Variants in IRAK3 observed in about 807,000 individuals in gnomAD.
IRAK3 encodes the protein interleukin 1 receptor associated kinase 3.
In IRAK3, 57 loss-of-function variants were observed where a neutral mutation model predicts 56.6. The observed-to-expected ratio is 1.01, with a 90% CI of 0.81 to 1.26. The LOEUF (loss-of-function observed/expected upper bound fraction) is 1.26, where lower values mean the gene tolerates loss of function less well. IRAK3 is among the 50% of genes most tolerant of loss of function. The probability of loss-of-function intolerance (pLI) is 0.00; values close to 1 mark genes in which losing one functional copy is unlikely to be tolerated. For synonymous variants in IRAK3, 258 were observed against 255.7 expected (o/e 1.01, Z -0.09); for missense variants, 703 against 719.0 (o/e 0.98, Z 0.25).
chr12:66,245,965 T>C (rs1052498084), intron 11 of IRAK3, among the ~76,000 whole-genome samples: 13 of 152,086 alleles, frequency 8.5e-5, no homozygotes, highest in South Asian at 8.3e-4. Flanking sequence ...AGACTTTGTA[T>C]TGGGTGCTGG....
intron 2 of IRAK3, among the ~76,000 whole-genome samples, chr12:66,207,694 A>G (rs2052570600): frequency 6.6e-6 from 1 of 152,056 alleles, no homozygotes; most frequent in African/African-American, 2.4e-5. Context: ...CTTTTGCTGC[A>G]TCTCATAACT....
intron 1 of IRAK3, among the ~76,000 whole-genome samples, chr12:66,193,874 T>A (rs577712069): frequency 2.0e-5 from 3 of 152,350 alleles, no homozygotes; most frequent in Admixed American, 2.0e-4. Flanking sequence ...TCTCTTTCTG[T>A]TTCTTACTTT....
At chr12:66,229,695 T>G (rs1341885475) in intron 8 of IRAK3, among the ~76,000 whole-genome samples, 3 of 152,128 alleles carry the variant, frequency 2.0e-5, no homozygotes, top group Non-Finnish European at 4.4e-5. Context: ...AGAGGGACCA[T>G]GAGGGTCTTC....
intron 5 of IRAK3, among the ~76,000 whole-genome samples, chr12:66,213,852 T>A (rs2052638111): frequency 6.6e-6 from 1 of 150,856 alleles, no homozygotes; most frequent in Admixed American, 6.6e-5. Context: ...CAGAAGAGTA[T>A]CTGGCCAGAG....
At chr12:66,223,582 C>G (rs2052756838) in intron 6 of IRAK3, among the ~76,000 whole-genome samples, 1 of 150,438 alleles carries the variant, frequency 6.6e-6, no homozygotes, top group South Asian at 2.1e-4. Context: ...TGGCGTGAAC[C>G]CAGGAGGCAG....
At chr12:66,201,682 A>G (rs1259338369) in intron 1 of IRAK3, among the ~76,000 whole-genome samples, 1 of 152,226 alleles carries the variant, frequency 6.6e-6, no homozygotes, top group Non-Finnish European at 1.5e-5. Flanking sequence ...AAACTCATAT[A>G]CTTTCTGTAC....
chr12:66,204,521 A>C (rs181170319), intron 2 of IRAK3, among the ~76,000 whole-genome samples: 192 of 152,240 alleles, frequency 1.3e-3, no homozygotes, highest in Non-Finnish European at 2.0e-3. Context: ...ATGATCAATA[A>C]AGTTCATGAA....
At chr12:66,216,046 C>A (rs2052673820) in intron 5 of IRAK3, among the ~76,000 whole-genome samples, 1 of 152,072 alleles carries the variant, frequency 6.6e-6, no homozygotes, top group South Asian at 2.1e-4. Context: ...TGACAGGAGC[C>A]CTGGATTTGC....
At chr12:66,225,746 G>GA (rs138496680) in intron 6 of IRAK3, among the ~76,000 whole-genome samples, 3,352 of 144,480 alleles carry the variant, frequency 0.023, 50 homozygotes, top group African/African-American at 0.053. Flanking sequence ...TAATTATTAG[G>GA]AAAAAAAAAA....
At chr12:66,227,060 GT>G (rs1353720540) in intron 7 of IRAK3, among the ~76,000 whole-genome samples, 3 of 152,152 alleles carry the variant, frequency 2.0e-5, no homozygotes, top group Non-Finnish European at 4.4e-5. Flanking sequence ...TGGTAACCAT[GT>G]TGGGTTCTTA....
In IRAK3 at chr12:66,226,741, A is replaced by G; in HGVS notation, c.672A>G (p.Ile224Met). The G allele has an allele frequency of 3.1e-6, 5 of 1,603,016 alleles. No individual in the cohort carries two copies. The highest frequency in any genetic ancestry group is 4.3e-6 in the Non-Finnish European group (5 of 1,169,858). ...EVLLLFHHPN[I>M]LELAAYFTET... The stretch of plus-strand genomic sequence containing the variant: ...TTTCAAGGTTTCATCACCCAAACAT[A>G]CTAGAGTTGGCTGCATATTTTACAG... The change falls in exon 7 of 12, where the codon ATA (isoleucine) becomes ATG (methionine). Residue 224 changes from isoleucine (I) to methionine (M), a missense_variant. Physicochemically the swap from Ile to Met is conservative, Grantham distance 10. Transcript: ENST00000261233.
rs1225435769 is a variant in IRAK3 at position 66,215,790 on chromosome 12, A to ACGTGCGCGCGCGCGCGCGCGCGCGCGCG, written c.589-1380_589-1379insGTGCGCGCGCGCGCGCGCGCGCGCGCGC. The stretch of plus-strand genomic sequence containing the variant: ...CCCCCTATTTTAACCCAACATGCAC[A>ACGTGCGCGCGCGCGCGCGCGCGCGCGCG]CACACACACACACACACACACACAC... On this transcript the variant is annotated intron_variant, in intron 5 of 11. Coordinates refer to ENST00000261233, the MANE Select transcript of IRAK3 (RefSeq NM_007199.3). Among the ~76,000 whole-genome samples the ACGTGCGCGCGCGCGCGCGCGCGCGCGCG allele has an allele frequency of 5.2e-3, 532 of 103,012 alleles. 7 individuals carry two copies. Among genetic ancestry groups the ACGTGCGCGCGCGCGCGCGCGCGCGCGCG allele is most frequent in the African/African-American group, 0.016 (507 of 32,520 alleles). The allele number at this position is 103,012 out of a possible 152,430, so 67.6% of individuals were successfully genotyped here. A position where few individuals can be genotyped will look rare whatever the true frequency, so the allele number is the denominator to read the frequency against.
At chr12:66,226,587 C>G in intron 6 of IRAK3, 136 bp from the exon 7 acceptor site, 1 of 685,856 alleles carries the variant, frequency 1.5e-6, no homozygotes, top group East Asian at 2.8e-5. Context: ...TGTGTCTGTA[C>G]CCAATGTGTC....
intron 5 of IRAK3, among the ~76,000 whole-genome samples, chr12:66,214,952 A>C (rs944381106): frequency 6.6e-6 from 1 of 152,226 alleles, no homozygotes; most frequent in African/African-American, 2.4e-5. Context: ...GGAGGGTTTC[A>C]AGGTGATTCC....
chr12:66,210,215 A>G lies in IRAK3; in HGVS notation c.436+14A>G. 6.4e-7 allele frequency: 1 copy of G among 1,553,198 alleles called. No homozygotes were observed. The highest frequency in any genetic ancestry group is 1.1e-5 in the South Asian group (1 of 89,280). The stretch of plus-strand genomic sequence containing the variant: ...ATAATGAAAAAGGTATGAAAAAACC[A>G]GTTTTTTTCCAACAATTTTTTTAAA... On this transcript the variant is annotated intron_variant, in intron 4 of 11. Coordinates refer to ENST00000261233, the MANE Select transcript of IRAK3 (RefSeq NM_007199.3).
chr12:66,235,437 CG>C (rs1181845483), intron 8 of IRAK3, among the ~76,000 whole-genome samples: 1 of 151,364 alleles, frequency 6.6e-6, no homozygotes, highest in African/African-American at 2.4e-5. Flanking sequence ...CGGCGGCCGG[CG>C]GGGGCTGCAG....
intron 1 of IRAK3, among the ~76,000 whole-genome samples, chr12:66,195,256 T>G (rs1217517085): frequency 6.6e-6 from 1 of 152,218 alleles, no homozygotes; most frequent in African/African-American, 2.4e-5. Context: ...GACCATTTCT[T>G]ACCACTGCCA....
chr12:66,195,179 C>G (rs141974206), intron 1 of IRAK3, among the ~76,000 whole-genome samples: 18 of 152,308 alleles, frequency 1.2e-4, no homozygotes, highest in African/African-American at 3.4e-4. Flanking sequence ...CTTTCTCTCA[C>G]AAACCACATC....
chr12:66,249,241 G>C lies in IRAK3; in HGVS notation c.*1070G>C, dbSNP rs1267178376. On this transcript the variant is annotated 3_prime_UTR_variant, in exon 12 of 12. Transcript: ENST00000261233. ...TGCAGTGGCACAATCTCGGCTCACCGCAAGGTCTGCCTCCCGGGTTCACGC... is the reference window on the plus strand; with the variant it reads ...TGCAGTGGCACAATCTCGGCTCACCCCAAGGTCTGCCTCCCGGGTTCACGC... The C allele has an allele frequency of 6.6e-6, 1 of 151,824 alleles. No individual in the cohort carries two copies. Among genetic ancestry groups the C allele is most frequent in the African/African-American group, 2.4e-5 (1 of 41,280 alleles). 9.4% of individuals were successfully genotyped at this position (151,824 alleles called of 1,614,324 possible).
Sources: allele counts gnomAD v4.1 joint callset (sites outside exome capture counted in the v4.1 genomes callset), GRCh38; gene constraint gnomAD v4.1.1; transcripts MANE v1.5; gene names NCBI Gene and HGNC (gene_info 2026-07-23, HGNC 2026-07-21).